The following TMEM132D variants were observed in gnomAD, a reference collection of about 807,000 sequenced individuals.
The protein encoded by TMEM132D is transmembrane protein 132D, also known as mature OL transmembrane protein.
TMEM132D carries 21 observed loss-of-function variants against 62.3 expected under a neutral mutation model. That is an observed-to-expected ratio of 0.34 (90% CI 0.24 to 0.49). The LOEUF is 0.49. Among genes scored for constraint, TMEM132D ranks in the 20% least tolerant of loss-of-function variants. The probability of loss-of-function intolerance (pLI) is 0.99; values close to 1 mark genes in which losing one functional copy is unlikely to be tolerated. For missense variants in TMEM132D, 1,346 were observed against 1,402.8 expected, an observed-to-expected ratio of 0.96 and a Z score of 0.65; for synonymous variants, 621 against 575.6, an observed-to-expected ratio of 1.08 and a Z score of -1.13.
At chr12:129,639,370 G>T (rs916823429) in intron 2 of TMEM132D, among the ~76,000 whole-genome samples, 2 of 123,002 alleles carry the variant, frequency 1.6e-5, no homozygotes, top group South Asian at 2.8e-4. Context: ...GTGACAGAGC[G>T]AGACTCTGTC....
chr12:129,504,021 C>T (rs1418769300), intron 3 of TMEM132D, among the ~76,000 whole-genome samples: 1 of 151,598 alleles, frequency 6.6e-6, no homozygotes, highest in African/African-American at 2.4e-5. Flanking sequence ...TCATCATCAT[C>T]ACTATTGTCA....
At chr12:129,306,289 A>T (rs1881844733) in intron 4 of TMEM132D, among the ~76,000 whole-genome samples, 1 of 152,236 alleles carries the variant, frequency 6.6e-6, no homozygotes, top group South Asian at 2.1e-4. Flanking sequence ...TTTGTAGATG[A>T]AGAAATTCAA....
intron 5 of TMEM132D, among the ~76,000 whole-genome samples, chr12:129,140,719 A>G (rs1469288529): frequency 1.3e-5 from 2 of 151,922 alleles, no homozygotes; most frequent in Non-Finnish European, 2.9e-5. Context: ...GGTGCTTGTA[A>G]TCTCGGCTAC....
intron 5 of TMEM132D, among the ~76,000 whole-genome samples, chr12:129,180,557 G>C (rs2135550801): frequency 6.6e-6 from 1 of 152,322 alleles, no homozygotes; most frequent in Non-Finnish European, 1.5e-5. Flanking sequence ...TGCTTTCACA[G>C]ACCTTATGGG....
At chr12:129,308,695 C>T (rs1285925386) in intron 4 of TMEM132D, among the ~76,000 whole-genome samples, 1 of 152,172 alleles carries the variant, frequency 6.6e-6, no homozygotes, top group Non-Finnish European at 1.5e-5. Context: ...ATAAATAGCA[C>T]ATACCACTGA....
intron 4 of TMEM132D, among the ~76,000 whole-genome samples, chr12:129,217,513 T>C (rs372030475): frequency 1.3e-5 from 2 of 152,156 alleles, no homozygotes; most frequent in East Asian, 1.9e-4. Flanking sequence ...CAGCCTTCCC[T>C]GCCCTGTGCA....
intron 2 of TMEM132D, among the ~76,000 whole-genome samples, chr12:129,634,473 C>A (rs1359110622): frequency 2.5e-3 from 325 of 129,294 alleles, no homozygotes; most frequent in Non-Finnish European, 2.8e-3. Context: ...AACCTTGTCT[C>A]AAAAAAAAAA....
intron 1 of TMEM132D, among the ~76,000 whole-genome samples, chr12:129,875,602 G>C (rs1007349423): frequency 6.6e-6 from 1 of 152,110 alleles, no homozygotes; most frequent in Non-Finnish European, 1.5e-5. Context: ...CAGGCATGGC[G>C]GGGAAGAGAG....
At chr12:129,853,256 C>T (rs573656835) in intron 1 of TMEM132D, 11 of 152,310 alleles carry the variant, frequency 7.2e-5, no homozygotes, top group African/African-American at 2.4e-4. Context: ...CTTCAGAAAT[C>T]GATGATGTTT....
At chr12:129,454,452 G>A (rs1433389345) in intron 3 of TMEM132D, among the ~76,000 whole-genome samples, 1 of 152,162 alleles carries the variant, frequency 6.6e-6, no homozygotes, top group Non-Finnish European at 1.5e-5. Flanking sequence ...CCCATAAGGG[G>A]CTGTAACTGG....
At chr12:129,202,367 AT>A (rs1878729287) in intron 5 of TMEM132D, among the ~76,000 whole-genome samples, 1 of 152,188 alleles carries the variant, frequency 6.6e-6, no homozygotes, top group Admixed American at 6.5e-5. Flanking sequence ...AACATCTGTG[AT>A]TCACAGAGCA....
chr12:129,874,264 A>G (rs1205659013), intron 1 of TMEM132D, among the ~76,000 whole-genome samples: 1 of 152,160 alleles, frequency 6.6e-6, no homozygotes, highest in Non-Finnish European at 1.5e-5. Flanking sequence ...GACGTACACC[A>G]TAAATACATA....
chr12:129,896,007 GTCAC>G (rs1327545538), intron 1 of TMEM132D, among the ~76,000 whole-genome samples: 1 of 129,540 alleles, frequency 7.7e-6, no homozygotes, highest in Non-Finnish European at 1.6e-5. Flanking sequence ...GTCTCACTCT[GTCAC>G]TCAGGTTAGA....
intron 1 of TMEM132D, among the ~76,000 whole-genome samples, chr12:129,734,695 A>T (rs955285116): frequency 1.3e-4 from 20 of 152,330 alleles, no homozygotes; most frequent in African/African-American, 3.6e-4. Context: ...TAATTAATTT[A>T]AAAAATTAAT....
intron 5 of TMEM132D, among the ~76,000 whole-genome samples, chr12:129,146,853 A>G (rs925555492): frequency 6.6e-6 from 1 of 152,194 alleles, no homozygotes; most frequent in African/African-American, 2.4e-5. Flanking sequence ...GCCACACAAC[A>G]GTCCTTTAAG....
chr12:129,782,935 T>C (rs1433761859), intron 1 of TMEM132D, among the ~76,000 whole-genome samples: 3 of 152,238 alleles, frequency 2.0e-5, no homozygotes, highest in Non-Finnish European at 2.9e-5. Context: ...GTGATATGGC[T>C]CAATTCATGT....
intron 3 of TMEM132D, among the ~76,000 whole-genome samples, chr12:129,518,819 T>C (rs1391254862): frequency 1.3e-5 from 2 of 152,160 alleles, no homozygotes; most frequent in Non-Finnish European, 2.9e-5. Flanking sequence ...TTTTCTATTA[T>C]CAATAACAAT....
rs113813645 is a variant in TMEM132D, at chr12:129,730,881, T to C, written c.80-30183A>G. Among the ~76,000 whole-genome samples, 1,090 of 152,184 alleles carry C rather than the reference T, an allele frequency of 7.2e-3. 17 individuals carry two copies. The highest frequency in any genetic ancestry group is 0.025 in the African/African-American group (1,022 of 41,512). ...GGCTCTCGGACCTTCAACCACAGAC[T>C]GAAGGCTGTGCTGTTGGTTTCCCTA... On this transcript the variant is annotated intron_variant, in intron 1 of 8. Coordinates refer to ENST00000422113, the MANE Select transcript of TMEM132D (RefSeq NM_133448.3).
intron 1 of TMEM132D, among the ~76,000 whole-genome samples, chr12:129,892,790 G>T (rs1384603413): frequency 6.6e-6 from 1 of 152,138 alleles, no homozygotes; most frequent in African/African-American, 2.4e-5. Context: ...CCATGCCTTT[G>T]TAGTCTTTGC....
Sources: allele counts gnomAD v4.1 joint callset (sites outside exome capture counted in the v4.1 genomes callset), GRCh38; gene constraint gnomAD v4.1.1; transcripts MANE v1.5; gene names NCBI Gene and HGNC (gene_info 2026-07-23, HGNC 2026-07-21).